The following LOXL2 variants were observed in gnomAD, a reference collection of about 807,000 sequenced individuals.
LOXL2 encodes the protein lysyl oxidase like 2.
LOXL2 carries 70 observed loss-of-function variants against 93.0 expected under a neutral mutation model. The ratio of observed to expected loss-of-function variants is 0.75; its 90% CI spans 0.62 to 0.92. The LOEUF (loss-of-function observed/expected upper bound fraction) is 0.92. Among genes scored for constraint, LOXL2 ranks in the 40% least tolerant of loss-of-function variants. The pLI is 0.00. For synonymous variants in LOXL2, 438 were observed against 413.2 expected (o/e 1.06, Z -0.73); for missense variants, 973 against 1,054.9 (o/e 0.92, Z 1.08).
rs368697902 is a variant in LOXL2, at chr8:23,311,422, G to A, written c.1637-1511C>T. Among the ~76,000 whole-genome samples the A allele has an allele frequency of 4.1e-4, 63 of 152,314 alleles. No individual in the cohort carries two copies. The East Asian group carries it at 5.8e-3, about 14-fold the overall frequency. On this transcript the variant is annotated intron_variant, in intron 9 of 13. Transcript: ENST00000389131. The stretch of plus-strand genomic sequence containing the variant: ...CCAGGATGCAGCATTGCCCTACACC[G>A]AGTGTTCTGGGCACGCTTATTTTTA...
At chr8:23,309,563 G>A (rs1803288988) in intron 10 of LOXL2, 105 bp downstream of exon 10, 2 of 1,255,136 alleles carry the variant, frequency 1.6e-6, no homozygotes. Context: ...CCCAGGCCAT[G>A]CAGCCTCTTG....
rs141193321 is a variant in LOXL2 at position 23,299,342 on chromosome 8, G to A, written c.2134-395C>T. Among the ~76,000 whole-genome samples the A allele has an allele frequency of 4.4e-3, 663 of 152,330 alleles. 3 individuals are homozygous for A. The highest frequency in any genetic ancestry group is 0.015 in the African/African-American group (626 of 41,578). On this transcript the variant is annotated intron_variant, in intron 12 of 13. Transcript: ENST00000389131. The stretch of plus-strand genomic sequence containing the variant: ...GACCTGGCGGTGTGGGAACCTGGAA[G>A]AGGGCTGCCTGGGCGTTGGAGATGG...
At chr8:23,319,770 G>A in intron 8 of LOXL2, 115 bp downstream of exon 8, 1 of 1,184,326 alleles carries the variant, frequency 8.4e-7, no homozygotes, top group South Asian at 1.4e-5. Flanking sequence ...AGGGCAACTT[G>A]CTCTGTCCTG....
At chr8:23,354,957 T>A (rs1168923512) in intron 3 of LOXL2, among the ~76,000 whole-genome samples, 3,957 of 46,838 alleles carry the variant, frequency 0.084, 180 homozygotes, top group African/African-American at 0.22. Context: ...ATATTTTTTT[T>A]TTTTTTTTTT....
chr8:23,302,973 C>A (rs966556939), intron 11 of LOXL2, among the ~76,000 whole-genome samples: 1 of 152,142 alleles, frequency 6.6e-6, no homozygotes, highest in Non-Finnish European at 1.5e-5. Context: ...GAGGGGCATA[C>A]GCATCAGGGT....
intron 6 of LOXL2, among the ~76,000 whole-genome samples, chr8:23,327,236 C>T (rs1803593566): frequency 6.6e-6 from 1 of 152,176 alleles, no homozygotes; most frequent in Admixed American, 6.5e-5. Context: ...CAGATGAGCT[C>T]CACTTCTAGA....
intron 3 of LOXL2, among the ~76,000 whole-genome samples, chr8:23,359,548 C>T (rs545130789): frequency 1.3e-5 from 2 of 152,262 alleles, no homozygotes; most frequent in Admixed American, 1.3e-4. Flanking sequence ...AGGGGACCTT[C>T]CAGCCCCCAT....
rs139263772 is a variant in LOXL2, at chr8:23,316,329, A to G, written c.1636+620T>C. ...CTCTGGCCAGCACCTGGGCCTCCCA[A>G]TGGAGATGGCTGCGTGTGGGTTTAT... On this transcript the variant is annotated intron_variant, in intron 9 of 13. Coordinates refer to ENST00000389131, the MANE Select transcript of LOXL2 (RefSeq NM_002318.3). 3.1e-4 allele frequency among the ~76,000 whole-genome samples: 47 copies of G among 152,298 alleles called. 1 individual carries two copies. Among genetic ancestry groups the G allele is most frequent in the East Asian group, 3.1e-3 (16 of 5,186 alleles).
chr8:23,360,158 C>A lies in LOXL2; in HGVS notation c.463G>T (p.Gly155Cys), dbSNP rs370732859. The change falls in exon 3 of 14, where the codon GGT becomes TGT. Residue 155 changes from glycine (G) to cysteine (C), a missense_variant. Gly to Cys is a radical substitution (Grantham distance 159). Coordinates refer to ENST00000389131, the MANE Select transcript of LOXL2 (RefSeq NM_002318.3). ...VTDCKHTEDV[G>C]VVCSDKRIPG... ...ATCCTTTTGTCGCTGCACACCACAC[C>A]GACATCCTCCGTGTGCTTGCAGTCA... The A allele has an allele frequency of 5.0e-6, 8 of 1,613,884 alleles. No individual in the cohort carries two copies. In the East Asian group the frequency reaches 1.3e-4, roughly 27 times the overall value.
intron 2 of LOXL2, chr8:23,363,161 G>A (rs1474976821): frequency 6.6e-6 from 1 of 152,042 alleles, no homozygotes; most frequent in Non-Finnish European, 1.5e-5. Flanking sequence ...CTGCTTCCAC[G>A]ATGTAAGAGA....
At chr8:23,316,090 T>C (rs142666134) in intron 9 of LOXL2, among the ~76,000 whole-genome samples, 1 of 152,274 alleles carries the variant, frequency 6.6e-6, no homozygotes, top group East Asian at 1.9e-4. Flanking sequence ...GAGATGCTAG[T>C]GAGTCTAAAA....
intron 1 of LOXL2, among the ~76,000 whole-genome samples, chr8:23,375,409 G>A (rs1804571543): frequency 6.6e-6 from 1 of 152,070 alleles, no homozygotes; most frequent in Admixed American, 6.5e-5. Context: ...TTTTGGCTTA[G>A]GATTGACTTG....
At chr8:23,330,947 C>A (rs923462986) in intron 5 of LOXL2, among the ~76,000 whole-genome samples, 2 of 152,060 alleles carry the variant, frequency 1.3e-5, no homozygotes, top group Non-Finnish European at 2.9e-5. Context: ...GCAGGGCCTC[C>A]TGAAATTGCC....
intron 1 of LOXL2, among the ~76,000 whole-genome samples, chr8:23,403,239 C>G (rs1304551455): frequency 1.3e-5 from 2 of 152,156 alleles, no homozygotes; most frequent in Admixed American, 6.5e-5. Flanking sequence ...CGCTCGTGCC[C>G]GTTCTTTCCA....
At chr8:23,308,245 CG>C (rs1428633365) in intron 10 of LOXL2, among the ~76,000 whole-genome samples, 6 of 152,208 alleles carry the variant, frequency 3.9e-5, no homozygotes, top group Non-Finnish European at 8.8e-5. Context: ...ATCTAGACAA[CG>C]GCTTCTCACA....
intron 6 of LOXL2, among the ~76,000 whole-genome samples, chr8:23,326,538 G>A (rs1432920807): frequency 1.3e-5 from 2 of 152,148 alleles, no homozygotes; most frequent in African/African-American, 2.4e-5. Flanking sequence ...TGGATCACTT[G>A]AGGTCAGGAG....
intron 10 of LOXL2, 150 bp downstream of exon 10, chr8:23,309,518 G>T: frequency 3.2e-6 from 3 of 930,280 alleles, no homozygotes; most frequent in Non-Finnish European, 4.3e-6. Flanking sequence ...AGCCAGTGTG[G>T]CAGATGCAAG....
chr8:23,388,788 T>A (rs1015747935), intron 1 of LOXL2, among the ~76,000 whole-genome samples: 1 of 151,888 alleles, frequency 6.6e-6, no homozygotes, highest in Non-Finnish European at 1.5e-5. Context: ...TTGTGCCAAG[T>A]CTGCAAGTAA....
At chr8:23,403,141 G>T (rs1286764734) in intron 1 of LOXL2, among the ~76,000 whole-genome samples, 1 of 152,158 alleles carries the variant, frequency 6.6e-6, no homozygotes, top group Non-Finnish European at 1.5e-5. Flanking sequence ...GAAGGGGCGC[G>T]GTGGGCAAAG....
Sources: allele counts gnomAD v4.1 joint callset (sites outside exome capture counted in the v4.1 genomes callset), GRCh38; gene constraint gnomAD v4.1.1; transcripts MANE v1.5; gene names NCBI Gene and HGNC (gene_info 2026-07-23, HGNC 2026-07-21).